The following THSD4 variants were observed in gnomAD, a reference collection of about 807,000 sequenced individuals.
THSD4 encodes thrombospondin type-1 domain-containing protein 4.
Under a neutral mutation model 119.0 loss-of-function variants are expected in THSD4, and 69 were observed. The observed-to-expected ratio is 0.58, with a 90% CI of 0.48 to 0.71. THSD4 has a LOEUF of 0.71. THSD4 is among the 30% of genes least tolerant of loss of function. THSD4 has a pLI of 0.00. For missense variants in THSD4, 1,393 were observed against 1,391.1 expected (o/e 1.00, Z -0.02); for synonymous variants, 524 against 540.4 (o/e 0.97, Z 0.42).
At chr15:71,526,488 T>C (rs1162728331) in intron 7 of THSD4, among the ~76,000 whole-genome samples, 3 of 152,222 alleles carry the variant, frequency 2.0e-5, no homozygotes, top group Non-Finnish European at 4.4e-5. Context: ...GTTTAGTGAT[T>C]CTTTTTTTAA....
intron 17 of THSD4, among the ~76,000 whole-genome samples, chr15:71,773,717 T>C (rs910848708): frequency 6.6e-6 from 1 of 152,226 alleles, no homozygotes; most frequent in African/African-American, 2.4e-5. Flanking sequence ...AGCAAGAATC[T>C]GTGTAGGCTC....
chr15:71,217,355 C>A (rs912918380), intron 4 of THSD4, among the ~76,000 whole-genome samples: 5 of 152,144 alleles, frequency 3.3e-5, no homozygotes, highest in Admixed American at 3.3e-4. Context: ...CGTTGGCTCA[C>A]TCCTGTAATC....
chr15:71,344,703 A>C (rs1172124928), intron 6 of THSD4, among the ~76,000 whole-genome samples: 1 of 152,204 alleles, frequency 6.6e-6, no homozygotes, highest in Non-Finnish European at 1.5e-5. Flanking sequence ...GCATTCTTTC[A>C]TAATCAGAAA....
At chr15:71,107,075 C>G (rs1317164709) in intron 1 of THSD4, among the ~76,000 whole-genome samples, 11 of 152,138 alleles carry the variant, frequency 7.2e-5, no homozygotes, top group Admixed American at 7.2e-4. Context: ...GTCACTTTTC[C>G]AAGTCACACA....
chr15:71,159,591 T>C (rs2043232481), intron 3 of THSD4, among the ~76,000 whole-genome samples: 1 of 152,164 alleles, frequency 6.6e-6, no homozygotes, highest in Non-Finnish European at 1.5e-5. Flanking sequence ...TTTCAGATAG[T>C]TTGCAATTAA....
In THSD4 at chr15:71,454,382, A is replaced by G. The variant is rs1404884825; in HGVS notation, c.1152+42559A>G. ...TAAACAAGGCATTTTCTGTATGTTGATGTAACTGGATAGCTTTGAAAAGAA... is the reference window on the plus strand; with the variant it reads ...TAAACAAGGCATTTTCTGTATGTTGGTGTAACTGGATAGCTTTGAAAAGAA... On this transcript the variant is annotated intron_variant, in intron 7 of 17. Coordinates refer to ENST00000261862, the MANE Select transcript of THSD4 (RefSeq NM_024817.3). 5.3e-5 allele frequency among the ~76,000 whole-genome samples: 8 copies of G among 152,336 alleles called. No homozygotes were observed. The East Asian group carries it at 1.3e-3, about 26-fold the overall frequency.
chr15:71,622,739 G>T (rs2050439768), intron 7 of THSD4, among the ~76,000 whole-genome samples: 1 of 152,174 alleles, frequency 6.6e-6, no homozygotes, highest in East Asian at 1.9e-4. Flanking sequence ...TATCAAGGGA[G>T]ATTTTTAAGT....
chr15:71,565,498 G>T (rs536245400), intron 7 of THSD4, among the ~76,000 whole-genome samples: 70 of 152,270 alleles, frequency 4.6e-4, no homozygotes, highest in African/African-American at 1.6e-3. Flanking sequence ...GCTCAATTAT[G>T]TGATACAGAC....
chr15:71,748,517 C>T lies in THSD4; in HGVS notation c.2338C>T (p.Leu780Phe), dbSNP rs372595926. The change falls in exon 14 of 18, where the codon CTC becomes TTC. Residue 780 changes from leucine (L) to phenylalanine (F), a missense_variant. Coordinates refer to ENST00000261862, the MANE Select transcript of THSD4 (RefSeq NM_024817.3). ...VVDDEECNMK[L>F]RPNDIENCDM... ...TGACGATGAGGAATGCAACATGAAG[C>T]TCCGGCCGAATGACATTGAGAACTG... 26 of 1,614,056 alleles carry T rather than the reference C, an allele frequency of 1.6e-5. No homozygotes were observed. Among genetic ancestry groups the T allele is most frequent in the Non-Finnish European group, 2.1e-5 (25 of 1,180,044 alleles).
At chr15:71,183,655 A>G (rs1029193199) in intron 3 of THSD4, among the ~76,000 whole-genome samples, 2 of 151,660 alleles carry the variant, frequency 1.3e-5, no homozygotes, top group Non-Finnish European at 2.9e-5. Context: ...GCTGGCACAT[A>G]AACGTCCCTA....
At chr15:71,267,841 C>A (rs1329493783) in intron 6 of THSD4, among the ~76,000 whole-genome samples, 3 of 151,920 alleles carry the variant, frequency 2.0e-5, no homozygotes, top group African/African-American at 7.3e-5. Flanking sequence ...TTTAAACTAG[C>A]AAAAATCAAA....
In THSD4 at chr15:71,660,625, C is replaced by A. The variant is rs562003457; in HGVS notation, c.1248C>A (p.Gly416=). 25 of 1,614,012 alleles carry A rather than the reference C, an allele frequency of 1.5e-5. No homozygotes were observed. Among genetic ancestry groups the A allele is most frequent in the Non-Finnish European group, 1.9e-5 (23 of 1,180,038 alleles). The stretch of plus-strand genomic sequence containing the variant: ...ACACGGGCTGTCAGGTTGTGTCGGG[C>A]GTGTTTAAGCATGCCCTCACCAGCC... ...GDNTGCQVVS[G]VFKHALTSLG... Residue 416 remains glycine (G), a synonymous_variant, in exon 8 of 18, where the codon GGC becomes GGA. Coordinates refer to ENST00000261862, the MANE Select transcript of THSD4 (RefSeq NM_024817.3).
intron 7 of THSD4, among the ~76,000 whole-genome samples, chr15:71,546,372 C>T (rs1269446422): frequency 6.6e-6 from 1 of 152,106 alleles, no homozygotes; most frequent in Non-Finnish European, 1.5e-5. Context: ...ACCATGGTCT[C>T]TGCTATTTCA....
intron 7 of THSD4, among the ~76,000 whole-genome samples, chr15:71,584,403 G>GCCTCCTAA (rs2049623357): frequency 6.6e-6 from 1 of 150,880 alleles, no homozygotes; most frequent in African/African-American, 2.4e-5. Flanking sequence ...TAAGTAGCTG[G>GCCTCCTAA]GATTACAGGC....
In THSD4 at chr15:71,325,741, C is replaced by G. The variant is rs149159227; in HGVS notation, c.1015+69026C>G. Among the ~76,000 whole-genome samples the G allele has an allele frequency of 8.9e-4, 136 of 152,110 alleles. 2 individuals are homozygous for G. Among genetic ancestry groups the G allele is most frequent in the African/African-American group, 2.9e-3 (122 of 41,444 alleles). Reference sequence around the variant, plus strand: ...AGCTATTGAAATGCCAAGCCCAGGTCAGAGATTAGTCAGAGGAAATGCTAA... The same window carrying G: ...AGCTATTGAAATGCCAAGCCCAGGTGAGAGATTAGTCAGAGGAAATGCTAA... On this transcript the variant is annotated intron_variant, in intron 6 of 17. Transcript: ENST00000261862.
At chr15:71,287,474 TG>T (rs34538160) in intron 6 of THSD4, among the ~76,000 whole-genome samples, 7,118 of 152,276 alleles carry the variant, frequency 0.047, 218 homozygotes, top group South Asian at 0.097. Context: ...TTGATATGCA[TG>T]AGGATATTTT....
intron 3 of THSD4, among the ~76,000 whole-genome samples, chr15:71,214,701 T>C (rs1384893491): frequency 2.6e-5 from 4 of 152,148 alleles, no homozygotes; most frequent in African/African-American, 9.7e-5. Flanking sequence ...CATGTCTTCC[T>C]TGCAGTTTAT....
rs1253481519 is a variant in THSD4, at chr15:71,607,276, G to A, written c.1153-53254G>A. 3.9e-5 allele frequency among the ~76,000 whole-genome samples: 6 copies of A among 152,328 alleles called. No individual in the cohort carries two copies. In the East Asian group the frequency reaches 5.8e-4, roughly 15 times the overall value. Reference sequence around the variant, plus strand: ...GGCTGTCTTGAGAATAAGTGGTAATGAGGAAGATCACAGGCAGATGGTCCA... The same window carrying A: ...GGCTGTCTTGAGAATAAGTGGTAATAAGGAAGATCACAGGCAGATGGTCCA... On this transcript the variant is annotated intron_variant, in intron 7 of 17. Transcript: ENST00000261862.
At chr15:71,745,871 C>T (rs1283801437) in intron 12 of THSD4, among the ~76,000 whole-genome samples, 1 of 152,196 alleles carries the variant, frequency 6.6e-6, no homozygotes, top group East Asian at 1.9e-4. Flanking sequence ...TCTTGAACTC[C>T]TGAGCACTAA....
Sources: allele counts gnomAD v4.1 joint callset (sites outside exome capture counted in the v4.1 genomes callset), GRCh38; gene constraint gnomAD v4.1.1; transcripts MANE v1.5; gene names NCBI Gene and HGNC (gene_info 2026-07-23, HGNC 2026-07-21).